Variants in PLD5 observed in about 807,000 individuals in gnomAD.
PLD5 encodes phospholipase D family member 5.
PLD5 carries 36 observed loss-of-function variants against 61.1 expected under a neutral mutation model. The ratio of observed to expected loss-of-function variants is 0.59; its 90% CI spans 0.45 to 0.78. The LOEUF (loss-of-function observed/expected upper bound fraction) is 0.78, where lower values mean the gene tolerates loss of function less well. Ranked by LOEUF, PLD5 falls within the 30% of genes least tolerant of loss-of-function variation. The pLI is 0.00. For synonymous variants in PLD5, 243 were observed against 242.8 expected, an observed-to-expected ratio of 1.00 and a Z score of -0.01; for missense variants, 515 against 644.4, an observed-to-expected ratio of 0.80 and a Z score of 2.17.
chr1:242,421,544 C>T (rs1162688726), intron 1 of PLD5, among the ~76,000 whole-genome samples: 2 of 152,144 alleles, frequency 1.3e-5, no homozygotes, highest in Non-Finnish European at 2.9e-5. Flanking sequence ...TACGACCAAG[C>T]CTGACCAGGA....
intron 1 of PLD5, among the ~76,000 whole-genome samples, chr1:242,354,796 C>G (rs191608716): frequency 6.7e-6 from 1 of 150,222 alleles, no homozygotes; most frequent in East Asian, 2.0e-4. Context: ...AAGTACATTT[C>G]TCCTATATAC....
At chr1:242,240,669 G>A (rs1320449306) in intron 4 of PLD5, among the ~76,000 whole-genome samples, 3 of 152,100 alleles carry the variant, frequency 2.0e-5, no homozygotes, top group Non-Finnish European at 4.4e-5. Flanking sequence ...AGGACAGCGG[G>A]AAAATGTAGT....
chr1:242,420,696 A>C (rs1051990791), intron 1 of PLD5, among the ~76,000 whole-genome samples: 1 of 152,032 alleles, frequency 6.6e-6, no homozygotes, highest in African/African-American at 2.4e-5. Flanking sequence ...CTCATATTAC[A>C]TATACACCTG....
At chr1:242,124,921 T>C (rs765686584) in intron 5 of PLD5, among the ~76,000 whole-genome samples, 1 of 152,236 alleles carries the variant, frequency 6.6e-6, no homozygotes, top group African/African-American at 2.4e-5. Flanking sequence ...TATTCATCTA[T>C]ACTTTTCACA....
At position 242,393,640 on chromosome 1, in the gene PLD5, GTA is replaced by G. The variant is rs1167305253; in HGVS notation, c.190-45400_190-45399del. Among the ~76,000 whole-genome samples, 2 of 100,948 alleles carry G rather than the reference GTA, an allele frequency of 2.0e-5. 1 individual carries two copies. Among genetic ancestry groups the G allele is most frequent in the Non-Finnish European group, 3.8e-5 (2 of 53,074 alleles). 66.2% of individuals were successfully genotyped at this position (100,948 alleles called of 152,430 possible). On this transcript the variant is annotated intron_variant, in intron 1 of 9. Transcript: ENST00000536534. ...TGTATATATATGAGTATATATATGT[GTA>G]TATATATGAGTATATATGTGTATAT... is the stretch of plus-strand genomic sequence containing the variant.
chr1:242,256,747 C>CATCT lies in PLD5; in HGVS notation c.607+8586_607+8589dup, dbSNP rs71570946. Among the ~76,000 whole-genome samples the CATCT allele has an allele frequency of 0.07, 10,353 of 148,244 alleles. 361 individuals are homozygous for CATCT. Among genetic ancestry groups the CATCT allele is most frequent in the Non-Finnish European group, 0.079 (5,278 of 66,984 alleles). ...AGCAGCACAAATGAACTAAGACTAT[C>CATCT]ATCTATCTATCTATCTATCTATCTA... is the stretch of plus-strand genomic sequence containing the variant. On this transcript the variant is annotated intron_variant, in intron 4 of 9. Transcript: ENST00000536534. This position sits in a 1 kb window ranked among gnomAD's most constrained non-coding sequence, Gnocchi z 5.7.
intron 1 of PLD5, chr1:242,376,886 A>T: frequency 6.4e-7 from 1 of 1,559,450 alleles, no homozygotes; most frequent in Non-Finnish European, 8.7e-7. Flanking sequence ...TTTTATTCCA[A>T]TGTGGACAGG....
chr1:242,254,664 C>T (rs547150163), intron 4 of PLD5, among the ~76,000 whole-genome samples: 2 of 152,214 alleles, frequency 1.3e-5, no homozygotes, highest in Non-Finnish European at 2.9e-5. Context: ...GAGTGAAATT[C>T]GTCTCAAACA....
intron 2 of PLD5, among the ~76,000 whole-genome samples, chr1:242,304,852 C>T (rs1214091282): frequency 2.6e-5 from 4 of 152,118 alleles, no homozygotes; most frequent in Middle Eastern, 3.4e-3. Flanking sequence ...ACCTGTTATC[C>T]CATCATGTTG....
chr1:242,136,710 C>T lies in PLD5; in HGVS notation c.736-12045G>A, dbSNP rs536118744. Among the ~76,000 whole-genome samples, 7 of 152,252 alleles carry T rather than the reference C, an allele frequency of 4.6e-5. No individual in the cohort carries two copies. In the East Asian group the frequency reaches 9.6e-4, roughly 21 times the overall value. On this transcript the variant is annotated intron_variant, in intron 5 of 9. Transcript: ENST00000536534. Reference sequence around the variant, plus strand: ...CAACCAACCTCTCTTTCAAACTTCACGTGGGAATGCTTTAGAAAGTGTCAA... The same window carrying T: ...CAACCAACCTCTCTTTCAAACTTCATGTGGGAATGCTTTAGAAAGTGTCAA...
intron 2 of PLD5, among the ~76,000 whole-genome samples, chr1:242,344,867 T>C (rs1660039117): frequency 6.6e-6 from 1 of 152,148 alleles, no homozygotes; most frequent in African/African-American, 2.4e-5. Context: ...AGGGTATAAT[T>C]GGACTTACAG....
intron 3 of PLD5, among the ~76,000 whole-genome samples, chr1:242,287,659 T>C (rs1237547651): frequency 6.6e-6 from 1 of 152,184 alleles, no homozygotes; most frequent in Non-Finnish European, 1.5e-5. Flanking sequence ...TGTAGGCCAA[T>C]GGCTATATAT....
chr1:242,186,809 A>G (rs1403429841), intron 5 of PLD5, among the ~76,000 whole-genome samples: 1 of 152,208 alleles, frequency 6.6e-6, no homozygotes, highest in Non-Finnish European at 1.5e-5. Flanking sequence ...ACGCAAAGGA[A>G]TCTGAACTCA....
rs1471869515 is a variant in PLD5, at chr1:242,307,350, G to GTGATGATGATGGTGA, written c.327-18835_327-18821dup. On this transcript the variant is annotated intron_variant, in intron 2 of 9. Transcript: ENST00000536534. ...TCAAAATAGCAAAACGATGATGACG[G>GTGATGATGATGGTGA]TGATGATGATGGTGATGATGATGAT... Among the ~76,000 whole-genome samples, 23 of 53,966 alleles carry GTGATGATGATGGTGA rather than the reference G, an allele frequency of 4.3e-4. 1 individual carries two copies. In the South Asian group the frequency reaches 0.012, roughly 28 times the overall value. 35.4% of individuals were successfully genotyped at this position (53,966 alleles called of 152,430 possible).
chr1:242,395,576 T>C (rs2580223), intron 1 of PLD5, among the ~76,000 whole-genome samples: 67,904 of 151,982 alleles, frequency 0.45, 15,547 homozygotes, highest in African/African-American at 0.55. Context: ...ATTGGAGATA[T>C]TGCAAGGTTT....
In PLD5 at chr1:242,265,336, C is replaced by T; in HGVS notation, c.607+1G>A. ...GAATAGCATATCAACCTTGGTCTTA[C>T]CCTTTAATTTCAAGGCTTCTAATAC... On this transcript the variant is annotated splice_donor_variant, in intron 4 of 9. Transcript: ENST00000536534. LOFTEE classifies it high-confidence loss of function. The T allele has an allele frequency of 6.2e-7, 1 of 1,608,540 alleles. No individual in the cohort carries two copies. The highest frequency in any genetic ancestry group is 8.5e-7 in the Non-Finnish European group (1 of 1,178,892).
chr1:242,149,474 C>T (rs1233991080), intron 5 of PLD5, among the ~76,000 whole-genome samples: 3 of 151,330 alleles, frequency 2.0e-5, no homozygotes, highest in Non-Finnish European at 3.0e-5. Flanking sequence ...TTGGGAAATG[C>T]TGGCATCATA....
In PLD5 at chr1:242,247,926, C is replaced by G. The variant is rs531232792; in HGVS notation, c.607+17411G>C. Among the ~76,000 whole-genome samples, 4 of 152,324 alleles carry G rather than the reference C, an allele frequency of 2.6e-5. No individual in the cohort carries two copies. In the East Asian group the frequency reaches 7.7e-4, roughly 29 times the overall value. On this transcript the variant is annotated intron_variant, in intron 4 of 9. Coordinates refer to ENST00000536534, the MANE Select transcript of PLD5 (RefSeq NM_001372062.1). ...GGCAATAGGCCTGCAGAATAAAGGA[C>G]TGGCTGAAGCAGAATCTCTTCCCAA... is the stretch of plus-strand genomic sequence containing the variant.
At chr1:242,133,054 C>T (rs1663424088) in intron 5 of PLD5, among the ~76,000 whole-genome samples, 1 of 151,090 alleles carries the variant, frequency 6.6e-6, no homozygotes, top group East Asian at 2.0e-4. Context: ...CCACACCCCA[C>T]ACCTTTTCTC....
Sources: gnomAD v4.1 joint callset for allele counts (sites outside exome capture counted in the v4.1 genomes callset) on GRCh38, gnomAD v4.1.1 for gene constraint, Gnocchi (gnomAD v3.1) non-coding constraint, MANE v1.5 for transcripts, NCBI Gene and HGNC (gene_info 2026-07-23, HGNC 2026-07-21) for gene names.